The following KCNG4 variants were observed in gnomAD, a reference collection of about 807,000 sequenced individuals.
KCNG4 encodes potassium voltage-gated channel modifier subfamily G member 4.
A neutral mutation model predicts 28.2 loss-of-function variants in KCNG4; 30 were observed. The ratio of observed to expected loss-of-function variants is 1.06; its 90% CI spans 0.80 to 1.44. KCNG4 has a LOEUF of 1.44. Among genes scored for constraint, KCNG4 ranks in the 40% most tolerant of loss-of-function variants. The pLI, the probability that KCNG4 is intolerant of heterozygous loss-of-function variation, is 0.00. For missense variants in KCNG4, 879 were observed against 712.3 expected (o/e 1.23, Z -2.66); for synonymous variants, 375 against 315.5 (o/e 1.19, Z -2.00).
chr16:84,238,435 C>A (rs1905029191), intron 1 of KCNG4, among the ~76,000 whole-genome samples: 1 of 152,172 alleles, frequency 6.6e-6, no homozygotes, highest in African/African-American at 2.4e-5. Flanking sequence ...TTTGGGGAGG[C>A]CTTTGCTAAG....
At chr16:84,229,615 C>T (rs905433155) in intron 2 of KCNG4, among the ~76,000 whole-genome samples, 3 of 152,250 alleles carry the variant, frequency 2.0e-5, no homozygotes, top group Non-Finnish European at 4.4e-5. Context: ...GTGTCCAGCA[C>T]AGGCCCGGCC....
At chr16:84,236,621 T>G in intron 2 of KCNG4, 109 bp downstream of exon 2, 1 of 1,143,254 alleles carries the variant, frequency 8.7e-7, no homozygotes, top group South Asian at 1.6e-5. Context: ...AATATTCATT[T>G]TTTTCTTCTT....
rs1315100278 is a variant in KCNG4 at position 84,226,573 on chromosome 16, A to T, written c.757-3553T>A. Among the ~76,000 whole-genome samples the T allele has an allele frequency of 6.6e-6, 1 of 152,038 alleles. No homozygotes were observed. Among genetic ancestry groups the T allele is most frequent in the East Asian group, 1.9e-4 (1 of 5,192 alleles). ...TGAGGTGGAGAGGGGATGGAAAGAG[A>T]GGAAACAAGAATGGCAGAATATTGG... is the stretch of plus-strand genomic sequence containing the variant. On this transcript the variant is annotated intron_variant, in intron 2 of 2. Coordinates refer to ENST00000308251, the MANE Select transcript of KCNG4 (RefSeq NM_172347.3). The surrounding 1 kb of genome is among the most constrained non-coding windows in gnomAD (Gnocchi z 4.1).
chr16:84,239,106 A>G (rs550364581), intron 1 of KCNG4, among the ~76,000 whole-genome samples: 31 of 152,266 alleles, frequency 2.0e-4, no homozygotes, highest in Middle Eastern at 3.4e-3. Context: ...CTCCACTCCA[A>G]TCAAGAGAAA....
chr16:84,233,512 G>A (rs957202458), intron 2 of KCNG4, among the ~76,000 whole-genome samples: 1 of 152,102 alleles, frequency 6.6e-6, no homozygotes, highest in Non-Finnish European at 1.5e-5. Flanking sequence ...AGACCAGCCT[G>A]GGCAACATGG....
intron 2 of KCNG4, among the ~76,000 whole-genome samples, chr16:84,223,649 C>T (rs1285439206): frequency 1.3e-5 from 2 of 152,046 alleles, no homozygotes; most frequent in East Asian, 1.9e-4. Context: ...TTTGATGGCC[C>T]AGGAAGTTGG....
chr16:84,235,074 T>G (rs1904915789), intron 2 of KCNG4, among the ~76,000 whole-genome samples: 1 of 152,218 alleles, frequency 6.6e-6, no homozygotes, highest in South Asian at 2.1e-4. Context: ...GATCCTCGGC[T>G]GAAACTTTGG....
At chr16:84,230,464 C>T (rs867409114) in intron 2 of KCNG4, among the ~76,000 whole-genome samples, 72 of 146,476 alleles carry the variant, frequency 4.9e-4, no homozygotes, top group African/African-American at 1.7e-3. Flanking sequence ...CGCAGCTACT[C>T]AGGAGGCTGA....
At position 84,237,087 on chromosome 16, in the gene KCNG4, C is replaced by G; in HGVS notation, c.399G>C (p.Val133=). The change falls in exon 2 of 3, where the codon GTG becomes GTC. Residue 133 remains valine (V), a synonymous_variant. Transcript: ENST00000308251. The part of the protein sequence containing the change: ...IVSFLAAGKL[V]LLQEMCALSF... ...ACAGCGCGCACATCTCCTGCAGAAG[C>G]ACCAGCTTCCCGGCCGCCAGGAAGC... 1 of 1,614,130 alleles carries G rather than the reference C, an allele frequency of 6.2e-7. No homozygotes were observed. The highest frequency in any genetic ancestry group is 8.5e-7 in the Non-Finnish European group (1 of 1,180,022).
chr16:84,232,509 G>C (rs1904850206), intron 2 of KCNG4, among the ~76,000 whole-genome samples: 1 of 152,210 alleles, frequency 6.6e-6, no homozygotes, highest in African/African-American at 2.4e-5. Flanking sequence ...AGACAGAGGT[G>C]ATGGTGGCTG....
chr16:84,230,822 G>A lies in KCNG4; in HGVS notation c.756+5908C>T, dbSNP rs75283722. 1.1e-4 allele frequency among the ~76,000 whole-genome samples: 16 copies of A among 152,356 alleles called. No homozygotes were observed. In the East Asian group the frequency reaches 1.9e-3, roughly 18 times the overall value. ...CCCCAGGCAATGCTGTGGGGCAGGC[G>A]TAGCACCCAAGATGGGAGGAGAACA... On this transcript the variant is annotated intron_variant, in intron 2 of 2. Transcript: ENST00000308251.
At chr16:84,228,847 A>G (rs1052229013) in intron 2 of KCNG4, among the ~76,000 whole-genome samples, 4 of 152,136 alleles carry the variant, frequency 2.6e-5, no homozygotes, top group African/African-American at 7.2e-5. Flanking sequence ...AGCTTCCCAA[A>G]TCTACGCTGC....
chr16:84,229,957 G>A lies in KCNG4; in HGVS notation c.756+6773C>T, dbSNP rs141934484. 7.2e-5 allele frequency among the ~76,000 whole-genome samples: 11 copies of A among 152,302 alleles called. No individual in the cohort carries two copies. In the East Asian group the frequency reaches 2.1e-3, roughly 29 times the overall value. On this transcript the variant is annotated intron_variant, in intron 2 of 2. Transcript: ENST00000308251. ...CAGTTTTTTAGGAAGCTGATTCATG[G>A]TCCGAGAAAGGGACAGATGAGGAGG...
At chr16:84,239,216 T>G (rs1485670591) in intron 1 of KCNG4, among the ~76,000 whole-genome samples, 1 of 152,140 alleles carries the variant, frequency 6.6e-6, no homozygotes, top group African/African-American at 2.4e-5. Flanking sequence ...TTCACACTCT[T>G]GCTCCCTACA....
At position 84,222,424 on chromosome 16, in the gene KCNG4, C is replaced by A. The variant is rs113215329; in HGVS notation, c.1353G>T (p.Thr451=). 2 of 1,614,150 alleles carry A rather than the reference C, an allele frequency of 1.2e-6. No homozygotes were observed. Among genetic ancestry groups the A allele is most frequent in the Admixed American group, 1.7e-5 (1 of 60,018 alleles). ...SGILIMAFPA[T]SIFHTFSHSY... is the part of the protein sequence containing the mutation. ...AGTGGGAGAAGGTGTGGAAGATAGA[C>A]GTGGCCGGGAAGGCCATGATGAGGA... is the stretch of plus-strand genomic sequence containing the variant. Residue 451 remains threonine (T), a synonymous_variant, in exon 3 of 3, where the codon ACG becomes ACT. Coordinates refer to ENST00000308251, the MANE Select transcript of KCNG4 (RefSeq NM_172347.3).
rs1031260985 is a variant in KCNG4 at position 84,239,656 on chromosome 16, C to G, written c.-41+14G>C. 1.3e-5 allele frequency: 2 copies of G among 152,132 alleles called. No individual in the cohort carries two copies. The highest frequency in any genetic ancestry group is 2.9e-5 in the Non-Finnish European group (2 of 68,034). 9.4% of individuals were successfully genotyped at this position (152,132 alleles called of 1,614,324 possible). A position where few individuals can be genotyped will look rare whatever the true frequency, so the allele number is the denominator to read the frequency against. ...TACAGCAAGCAGTAACTCTTCCCCT[C>G]CAGTTTAACTCACCTTCTTGTCTCA... is the stretch of plus-strand genomic sequence containing the variant. On this transcript the variant is annotated intron_variant, in intron 1 of 2. Coordinates refer to ENST00000308251, the MANE Select transcript of KCNG4 (RefSeq NM_172347.3).
In KCNG4 at chr16:84,237,285, GC is replaced by G. The variant is rs1904993004; in HGVS notation, c.200del (p.Gly67AlafsTer16). On this transcript the variant is annotated frameshift_variant, in exon 2 of 3. Coordinates refer to ENST00000308251, the MANE Select transcript of KCNG4 (RefSeq NM_172347.3). LOFTEE classifies it high-confidence loss of function. Reference sequence around the variant, plus strand: ...TGCTCCAGGGGAGGAGATACCTCCTGCCCCCCACGTTGATCAGGATCTCCTT... The same window carrying G: ...TGCTCCAGGGGAGGAGATACCTCCTGCCCCCACGTTGATCAGGATCTCCTT... ...LKKEILINVG[G>X]RRYLLPWSTL... is the part of the protein sequence containing the mutation. The G allele has an allele frequency of 6.2e-6, 10 of 1,606,766 alleles. No individual in the cohort carries two copies. The highest frequency in any genetic ancestry group is 2.2e-5 in the South Asian group (2 of 90,246).
rs1301811983 is a variant in KCNG4 at position 84,226,463 on chromosome 16, A to C, written c.757-3443T>G. Among the ~76,000 whole-genome samples, 1 of 152,090 alleles carries C rather than the reference A, an allele frequency of 6.6e-6. No homozygotes were observed. The highest frequency in any genetic ancestry group is 1.5e-5 in the Non-Finnish European group (1 of 68,016). On this transcript the variant is annotated intron_variant, in intron 2 of 2. Coordinates refer to ENST00000308251, the MANE Select transcript of KCNG4 (RefSeq NM_172347.3). This position sits in a 1 kb window ranked among gnomAD's most constrained non-coding sequence, Gnocchi z 4.1. Reference sequence around the variant, plus strand: ...GGTGCATCCGTTTATTAAATTCTACACCTAGGATTTGTGCATTTCAGTGTA... The same window carrying C: ...GGTGCATCCGTTTATTAAATTCTACCCCTAGGATTTGTGCATTTCAGTGTA...
intron 2 of KCNG4, among the ~76,000 whole-genome samples, chr16:84,228,917 C>G (rs1453854115): frequency 6.6e-6 from 1 of 152,222 alleles, no homozygotes; most frequent in East Asian, 1.9e-4. Flanking sequence ...TGTGGCTGAT[C>G]CATCACCGGC....
Sources: gnomAD v4.1 joint callset for allele counts (sites outside exome capture counted in the v4.1 genomes callset) on GRCh38, gnomAD v4.1.1 for gene constraint, Gnocchi (gnomAD v3.1) non-coding constraint, MANE v1.5 for transcripts, NCBI Gene and HGNC (gene_info 2026-07-23, HGNC 2026-07-21) for gene names.